The following RASSF8 variants were observed in gnomAD, a reference collection of about 807,000 sequenced individuals.
RASSF8 encodes ras association domain-containing protein 8.
Under a neutral mutation model 48.5 loss-of-function variants are expected in RASSF8, and 22 were observed. The ratio of observed to expected loss-of-function variants is 0.45; its 90% CI spans 0.32 to 0.65. The LOEUF (loss-of-function observed/expected upper bound fraction) is 0.65. Among genes scored for constraint, RASSF8 ranks in the 30% least tolerant of loss-of-function variants. The pLI, the probability that RASSF8 is intolerant of heterozygous loss-of-function variation, is 0.03. For missense variants in RASSF8, 418 were observed against 489.2 expected (o/e 0.85, Z 1.37); for synonymous variants, 127 against 171.5 (o/e 0.74, Z 2.03).
chr12:26,063,392 G>T (rs1943789795), intron 3 of RASSF8, among the ~76,000 whole-genome samples: 1 of 151,440 alleles, frequency 6.6e-6, no homozygotes, highest in South Asian at 2.1e-4. Context: ...GTATTCTGGT[G>T]TTTGTTTGTT....
chr12:25,972,239 G>T (rs749375476), intron 1 of RASSF8, among the ~76,000 whole-genome samples: 33 of 152,160 alleles, frequency 2.2e-4, no homozygotes, highest in Non-Finnish European at 4.3e-4. Context: ...TCAACAAATA[G>T]TAAGTACTGA....
chr12:26,002,618 GA>G (rs1453293986), intron 2 of RASSF8, among the ~76,000 whole-genome samples: 1 of 151,954 alleles, frequency 6.6e-6, no homozygotes, highest in African/African-American at 2.4e-5. Context: ...ACTAAAAATA[GA>G]AAAAAATTAG....
At chr12:26,027,659 G>T (rs1338411903) in intron 2 of RASSF8, among the ~76,000 whole-genome samples, 1 of 152,194 alleles carries the variant, frequency 6.6e-6, no homozygotes, top group Admixed American at 6.5e-5. Flanking sequence ...ATTTCCTGGA[G>T]ATTAGATTGG....
intron 2 of RASSF8, among the ~76,000 whole-genome samples, chr12:26,004,603 G>A (rs1194823999): frequency 6.6e-6 from 1 of 152,106 alleles, no homozygotes; most frequent in Non-Finnish European, 1.5e-5. Flanking sequence ...GTACAATGAA[G>A]TAAGAGAAAA....
In RASSF8 at chr12:26,072,334, T is replaced by C; in HGVS notation, c.*3516T>C. On this transcript the variant is annotated 3_prime_UTR_variant, in exon 6 of 6. Transcript: ENST00000689635. ...TGTATCAAAAAGACAAAACAATCAC[T>C]ATTTATTCAGTATTGCTGCTTTACA... The C allele has an allele frequency of 2.0e-6, 2 of 985,440 alleles. No individual in the cohort carries two copies. Among genetic ancestry groups the C allele is most frequent in the East Asian group, 1.1e-4 (1 of 8,820 alleles). 61.0% of individuals were successfully genotyped at this position (985,440 alleles called of 1,614,324 possible).
At chr12:26,067,466 A>G in intron 4 of RASSF8, 103 bp from the exon 5 acceptor site, 1 of 1,197,122 alleles carries the variant, frequency 8.4e-7, no homozygotes. Context: ...ATGAAAGCAG[A>G]TGTTGCACAT....
At chr12:26,027,367 T>C (rs1445399456) in intron 2 of RASSF8, among the ~76,000 whole-genome samples, 1 of 152,212 alleles carries the variant, frequency 6.6e-6, no homozygotes, top group South Asian at 2.1e-4. Flanking sequence ...AGCTGTTGTT[T>C]AAACAAACAA....
chr12:26,024,683 G>A lies in RASSF8; in HGVS notation c.-109+29553G>A, dbSNP rs116459164. 3.2e-3 allele frequency among the ~76,000 whole-genome samples: 485 copies of A among 152,318 alleles called. 1 individual carries two copies. The highest frequency in any genetic ancestry group is 0.011 in the African/African-American group (460 of 41,570). On this transcript the variant is annotated intron_variant, in intron 2 of 5. Coordinates refer to ENST00000689635, the MANE Select transcript of RASSF8 (RefSeq NM_001394098.1). ...TATAAAAGGTCAATTTAGGCCGGGC[G>A]CTGTGGCTCACGCCCGTAATACCAG... is the stretch of plus-strand genomic sequence containing the variant.
At chr12:26,008,141 C>T (rs1458255019) in intron 2 of RASSF8, among the ~76,000 whole-genome samples, 2 of 151,892 alleles carry the variant, frequency 1.3e-5, no homozygotes, top group Non-Finnish European at 2.9e-5. Flanking sequence ...GGTGTGGTGG[C>T]GGGCGCCTGT....
rs1018271473 is a variant in RASSF8, at chr12:26,029,631, A to C, written c.-108-25605A>C. ...CATGATTGGCCTTAATTTGAGATCC[A>C]AAATATTTCCTTAACAGATTATTTT... On this transcript the variant is annotated intron_variant, in intron 2 of 5. Coordinates refer to ENST00000689635, the MANE Select transcript of RASSF8 (RefSeq NM_001394098.1). Among the ~76,000 whole-genome samples, 6 of 152,294 alleles carry C rather than the reference A, an allele frequency of 3.9e-5. No individual in the cohort carries two copies. The East Asian group carries it at 1.2e-3, about 29-fold the overall frequency.
intron 2 of RASSF8, among the ~76,000 whole-genome samples, chr12:26,047,507 G>C (rs1943396850): frequency 6.6e-6 from 1 of 152,092 alleles, no homozygotes; most frequent in Non-Finnish European, 1.5e-5. Context: ...AAGTAGTTTT[G>C]TGCAAAGACT....
At chr12:26,035,859 A>G (rs185762622) in intron 2 of RASSF8, among the ~76,000 whole-genome samples, 2,971 of 122,162 alleles carry the variant, frequency 0.024, 94 homozygotes, top group African/African-American at 0.072. Flanking sequence ...TATATAAAAT[A>G]TAATAAAATT....
chr12:26,068,960 A>G lies in RASSF8; in HGVS notation c.*142A>G, dbSNP rs975380137. On this transcript the variant is annotated 3_prime_UTR_variant, in exon 6 of 6. Coordinates refer to ENST00000689635, the MANE Select transcript of RASSF8 (RefSeq NM_001394098.1). ...CTCTCCTAAATTGCATACCACTTGG[A>G]GCCATACCCTGTGCACTGATGCTAA... The G allele has an allele frequency of 3.0e-5, 43 of 1,425,374 alleles. No homozygotes were observed. The highest frequency in any genetic ancestry group is 3.5e-5 in the Non-Finnish European group (38 of 1,091,394). The allele number at this position is 1,425,374 out of a possible 1,614,324, so 88.3% of individuals were successfully genotyped here.
intron 1 of RASSF8, among the ~76,000 whole-genome samples, chr12:25,990,504 C>A (rs957535153): frequency 4.3e-4 from 66 of 152,216 alleles, no homozygotes; most frequent in African/African-American, 1.5e-3. Context: ...CTCTGCTTTG[C>A]AAACTAATAT....
chr12:25,980,799 T>G (rs986323595), intron 1 of RASSF8, among the ~76,000 whole-genome samples: 1 of 152,206 alleles, frequency 6.6e-6, no homozygotes, highest in Admixed American at 6.5e-5. Context: ...TAAAAAAAAT[T>G]CATGGAATGA....
At chr12:26,077,674 T>C (rs1049458484), downstream of RASSF8, among the ~76,000 whole-genome samples, 1 of 152,334 alleles carries the variant, frequency 6.6e-6, no homozygotes, top group African/African-American at 2.4e-5. Context: ...AGACTTGTAG[T>C]ATAGTTTGAA....
chr12:26,059,180 G>A (rs559489759), intron 3 of RASSF8, among the ~76,000 whole-genome samples: 1 of 152,236 alleles, frequency 6.6e-6, no homozygotes, highest in African/African-American at 2.4e-5. Flanking sequence ...ATGTATTTCT[G>A]CCCTCAGGCA....
intron 1 of RASSF8, among the ~76,000 whole-genome samples, chr12:25,981,161 C>T (rs114087622): frequency 1.3e-5 from 2 of 152,232 alleles, no homozygotes; most frequent in African/African-American, 4.8e-5. Context: ...ACCCCTTTGA[C>T]TCCACCAGGG....
intron 2 of RASSF8, among the ~76,000 whole-genome samples, chr12:26,010,529 C>T (rs1942497752): frequency 6.6e-6 from 1 of 152,148 alleles, no homozygotes; most frequent in Admixed American, 6.5e-5. Flanking sequence ...TTACCCCGGC[C>T]CTGGGGAGGG....
Sources: allele counts gnomAD v4.1 joint callset (sites outside exome capture counted in the v4.1 genomes callset), GRCh38; gene constraint gnomAD v4.1.1; transcripts MANE v1.5; gene names NCBI Gene and HGNC (gene_info 2026-07-23, HGNC 2026-07-21).